Variants in TPD52L1 observed in about 807,000 individuals in gnomAD.
TPD52L1 encodes the protein TPD52 like 1.
TPD52L1 carries 18 observed loss-of-function variants against 28.7 expected under a neutral mutation model. The observed-to-expected ratio is 0.63, with a 90% CI of 0.43 to 0.93. TPD52L1 has a LOEUF of 0.93. Among genes scored for constraint, TPD52L1 ranks in the 40% least tolerant of loss-of-function variants. The pLI, the probability that TPD52L1 is intolerant of heterozygous loss-of-function variation, is 0.00. For missense variants in TPD52L1, 203 were observed against 254.8 expected, an observed-to-expected ratio of 0.80 and a Z score of 1.39; for synonymous variants, 75 against 88.8, an observed-to-expected ratio of 0.84 and a Z score of 0.88.
intron 1 of TPD52L1, among the ~76,000 whole-genome samples, chr6:125,155,407 A>G (rs1240009719): frequency 6.6e-6 from 1 of 152,254 alleles, no homozygotes; most frequent in Non-Finnish European, 1.5e-5. Context: ...GATGGAGAAG[A>G]ACTATAGCAG....
chr6:125,170,527 A>G (rs1181097415), intron 1 of TPD52L1, among the ~76,000 whole-genome samples: 2 of 152,046 alleles, frequency 1.3e-5, no homozygotes. Flanking sequence ...GTTACTCTCC[A>G]GTAACACACC....
chr6:125,206,626 G>A (rs1389773122), intron 1 of TPD52L1, among the ~76,000 whole-genome samples: 1 of 152,216 alleles, frequency 6.6e-6, no homozygotes, highest in Non-Finnish European at 1.5e-5. Context: ...ATCACAGGCA[G>A]TCTAGGTGGA....
At chr6:125,154,846 G>T (rs1790009215) in intron 1 of TPD52L1, among the ~76,000 whole-genome samples, 1 of 152,034 alleles carries the variant, frequency 6.6e-6, no homozygotes, top group Non-Finnish European at 1.5e-5. Flanking sequence ...GGCTTGCGGA[G>T]TTCAGCCTTT....
chr6:125,213,076 C>G (rs546713930), intron 1 of TPD52L1, among the ~76,000 whole-genome samples: 1 of 152,190 alleles, frequency 6.6e-6, no homozygotes, highest in South Asian at 2.1e-4. Flanking sequence ...AGCAGGGTAG[C>G]AACATTTATT....
intron 4 of TPD52L1, chr6:125,253,505 G>T: frequency 1.8e-6 from 1 of 553,142 alleles, no homozygotes. Flanking sequence ...ATGCAACCAC[G>T]GATCCACCAT....
chr6:125,167,456 G>T (rs1790989277), intron 1 of TPD52L1, among the ~76,000 whole-genome samples: 1 of 152,128 alleles, frequency 6.6e-6, no homozygotes, highest in Admixed American at 6.5e-5. Context: ...TGTTCCACCA[G>T]GCTCTTGTAG....
At chr6:125,260,528 G>C (rs901976808) in intron 6 of TPD52L1, 2 of 152,198 alleles carry the variant, frequency 1.3e-5, no homozygotes, top group Non-Finnish European at 2.9e-5. Flanking sequence ...GCCTTGGCCA[G>C]GCCTGGTGGC....
chr6:125,167,713 C>T (rs1284937663), intron 1 of TPD52L1, among the ~76,000 whole-genome samples: 1 of 152,150 alleles, frequency 6.6e-6, no homozygotes, highest in Admixed American at 6.5e-5. Context: ...AACACATGCA[C>T]TTTACAGGTC....
At chr6:125,252,226 C>G in intron 4 of TPD52L1, 1 of 573,954 alleles carries the variant, frequency 1.7e-6, no homozygotes, top group Middle Eastern at 2.6e-4. Flanking sequence ...AAGTACATCT[C>G]TATCTCATTT....
Position 125,257,315 on chromosome 6 carries a change from T to A in TPD52L1, c.486+157T>A, listed in dbSNP as rs1294301225. The A allele has an allele frequency of 5.2e-6, 3 of 571,556 alleles. No homozygotes were observed. The Admixed American group carries it at 9.6e-5, about 18-fold the overall frequency. The allele number at this position is 571,556 out of a possible 1,614,324, so 35.4% of individuals were successfully genotyped here. ...TATAAATCTATGAATAAAACCACTA[T>A]TGAATAGTGTTACTATATCCTTAGA... On this transcript the variant is annotated intron_variant, in intron 6 of 6. Transcript: ENST00000534000.
chr6:125,158,983 G>A (rs1790329908), intron 1 of TPD52L1, among the ~76,000 whole-genome samples: 1 of 152,226 alleles, frequency 6.6e-6, no homozygotes, highest in African/African-American at 2.4e-5. Context: ...GATCATTTGT[G>A]CCTTCACTGA....
chr6:125,248,402 A>G lies in TPD52L1; in HGVS notation c.386+19A>G. The G allele has an allele frequency of 1.3e-6, 2 of 1,597,890 alleles. No homozygotes were observed. Among genetic ancestry groups the G allele is most frequent in the Non-Finnish European group, 1.7e-6 (2 of 1,165,296 alleles). On this transcript the variant is annotated intron_variant, in intron 4 of 6. Transcript: ENST00000534000. The stretch of plus-strand genomic sequence containing the variant: ...ACATGAGGTACTGTGGGAAAATACC[A>G]TGGGAACGGCGCTAAGCCCTTGGCT...
At chr6:125,197,017 T>C (rs1793490723) in intron 1 of TPD52L1, among the ~76,000 whole-genome samples, 1 of 152,358 alleles carries the variant, frequency 6.6e-6, no homozygotes, top group East Asian at 1.9e-4. Flanking sequence ...AATCTCCCAC[T>C]GGGGTTGTCA....
intron 1 of TPD52L1, among the ~76,000 whole-genome samples, chr6:125,172,569 G>T (rs1253370310): frequency 8.1e-5 from 5 of 61,414 alleles, no homozygotes; most frequent in African/African-American, 2.1e-4. Context: ...ATACTATATG[G>T]CATGAAATTA....
intron 2 of TPD52L1, among the ~76,000 whole-genome samples, chr6:125,222,802 A>G (rs531164572): frequency 6.6e-6 from 1 of 152,336 alleles, no homozygotes; most frequent in East Asian, 1.9e-4. Flanking sequence ...GACCTCTTTT[A>G]TTATAGATTA....
At chr6:125,169,011 C>A (rs1476597672) in intron 1 of TPD52L1, among the ~76,000 whole-genome samples, 1 of 152,098 alleles carries the variant, frequency 6.6e-6, no homozygotes, top group African/African-American at 2.4e-5. Context: ...GTGCCCTCCC[C>A]TTCCTCTCTC....
At chr6:125,154,104 C>T in intron 1 of TPD52L1, 134 bp downstream of exon 1, 1 of 1,424,166 alleles carries the variant, frequency 7.0e-7, no homozygotes, top group Non-Finnish European at 9.3e-7. Context: ...CACTCCCACC[C>T]GCGCCTTTGG....
At chr6:125,199,927 C>T (rs937833242) in intron 1 of TPD52L1, among the ~76,000 whole-genome samples, 5 of 152,206 alleles carry the variant, frequency 3.3e-5, no homozygotes, top group Non-Finnish European at 7.3e-5. Context: ...TTAGGGGAAG[C>T]CTCCTTAGTG....
At chr6:125,154,993 G>A (rs989753029) in intron 1 of TPD52L1, among the ~76,000 whole-genome samples, 4 of 152,108 alleles carry the variant, frequency 2.6e-5, no homozygotes, top group Non-Finnish European at 5.9e-5. Context: ...AGAACGCCCT[G>A]AATGAGAGTG....
Sources: gnomAD v4.1 joint callset for allele counts (sites outside exome capture counted in the v4.1 genomes callset) on GRCh38, gnomAD v4.1.1 for gene constraint, MANE v1.5 for transcripts, NCBI Gene and HGNC (gene_info 2026-07-23, HGNC 2026-07-21) for gene names.